Variants in RASGRF1 observed in about 807,000 individuals in gnomAD.
RASGRF1 encodes Ras protein specific guanine nucleotide releasing factor 1, also known as ras-specific guanine nucleotide-releasing factor 1.
RASGRF1 carries 40 observed loss-of-function variants against 138.7 expected under a neutral mutation model. That is an observed-to-expected ratio of 0.29 (90% CI 0.22 to 0.38). The LOEUF is 0.38. Ranked by LOEUF, RASGRF1 falls within the 10% of genes least tolerant of loss-of-function variation. The pLI, the probability that RASGRF1 is intolerant of heterozygous loss-of-function variation, is 1.00. For missense variants in RASGRF1, 1,108 were observed against 1,650.4 expected (o/e 0.67, Z 5.69); for synonymous variants, 614 against 663.2 (o/e 0.93, Z 1.14).
intron 8 of RASGRF1, among the ~76,000 whole-genome samples, chr15:79,030,353 A>T (rs1453739115): frequency 6.6e-6 from 1 of 151,960 alleles, no homozygotes; most frequent in Non-Finnish European, 1.5e-5. Flanking sequence ...GCCCTCCCTC[A>T]TCTCTTGGTC....
intron 2 of RASGRF1, among the ~76,000 whole-genome samples, chr15:79,059,506 GA>G (rs2057568019): frequency 6.6e-6 from 1 of 151,704 alleles, no homozygotes; most frequent in African/African-American, 2.4e-5. Context: ...CTCAGAGTGA[GA>G]AGGGAACTTG....
chr15:78,982,077 C>T lies in RASGRF1; in HGVS notation c.3415-1378G>A, dbSNP rs909900465. ...CCTCTGTCACCTATCCCTGGCATGC[C>T]GACTGGCAAATCACCACTCCTCTTG... is the stretch of plus-strand genomic sequence containing the variant. On this transcript the variant is annotated intron_variant, in intron 23 of 26. Transcript: ENST00000558480. Among the ~76,000 whole-genome samples, 9 of 152,174 alleles carry T rather than the reference C, an allele frequency of 5.9e-5. No individual in the cohort carries two copies. The South Asian group carries it at 8.3e-4, about 14-fold the overall frequency.
At chr15:79,079,918 C>T (rs1178219205) in intron 1 of RASGRF1, among the ~76,000 whole-genome samples, 1 of 152,246 alleles carries the variant, frequency 6.6e-6, no homozygotes, top group Non-Finnish European at 1.5e-5. Flanking sequence ...TGGGACCCCA[C>T]CATTTAAGCC....
At chr15:79,007,545 G>T (rs1228076894) in intron 13 of RASGRF1, among the ~76,000 whole-genome samples, 2 of 108,962 alleles carry the variant, frequency 1.8e-5, no homozygotes, top group South Asian at 3.3e-4. Context: ...GCCGTATCTA[G>T]TTTTTTTTTT....
chr15:79,065,048 C>T (rs8026819), intron 1 of RASGRF1, among the ~76,000 whole-genome samples: 25,580 of 152,182 alleles, frequency 0.17, 2,140 homozygotes, highest in East Asian at 0.2. Context: ...AACCATGGGC[C>T]CTGCCCCTTA....
chr15:79,025,239 T>C (rs2057029991), intron 10 of RASGRF1, 75 bp downstream of exon 10: 4 of 1,471,096 alleles, frequency 2.7e-6, no homozygotes, highest in Admixed American at 2.3e-5. Flanking sequence ...CCTGGGCCCA[T>C]AGACCCTCTG....
chr15:78,973,295 G>T lies in RASGRF1; in HGVS notation c.3612+8C>A. The stretch of plus-strand genomic sequence containing the variant: ...CCCCCTTCCCCTGCCTGGCTGGGGG[G>T]AACGCACCATCCTCATCTTGGAGAA... On this transcript the variant is annotated splice_region_variant and intron_variant, in intron 25 of 26. Transcript: ENST00000558480. The surrounding 1 kb of genome is among the most constrained non-coding windows in gnomAD (Gnocchi z 4.9). The T allele has an allele frequency of 6.3e-7, 1 of 1,593,244 alleles. No homozygotes were observed. Among genetic ancestry groups the T allele is most frequent in the South Asian group, 1.1e-5 (1 of 89,726 alleles).
chr15:78,978,648 G>A (rs960028134), intron 24 of RASGRF1: 2 of 1,010,292 alleles, frequency 2.0e-6, no homozygotes, highest in African/African-American at 3.4e-5. Context: ...CTATGCCCAT[G>A]GACTGCCACC....
chr15:79,006,105 C>T lies in RASGRF1; in HGVS notation c.2075+81G>A, dbSNP rs536190619. ...CTCCTCCAGGGACCTTCCAGGTCAC[C>T]CCCCGGCCCCGTGCAAGCTCAGTTT... On this transcript the variant is annotated intron_variant, in intron 14 of 26. Transcript: ENST00000558480. The surrounding 1 kb of genome is among the most constrained non-coding windows in gnomAD (Gnocchi z 4.0). 3.2e-5 allele frequency: 50 copies of T among 1,578,958 alleles called. No individual in the cohort carries two copies. Among genetic ancestry groups the T allele is most frequent in the Middle Eastern group, 1.8e-4 (1 of 5,652 alleles).
intron 6 of RASGRF1, 119 bp downstream of exon 6, chr15:79,035,012 T>C: frequency 2.7e-6 from 2 of 730,458 alleles, no homozygotes; most frequent in Admixed American, 3.4e-5. Context: ...TGAGGGATTC[T>C]GTGGGTTTTA....
chr15:79,006,031 G>C lies in RASGRF1; in HGVS notation c.2075+155C>G, dbSNP rs978872346. 3 of 1,119,254 alleles carry C rather than the reference G, an allele frequency of 2.7e-6. No homozygotes were observed. The South Asian group carries it at 4.7e-5, about 17-fold the overall frequency. The allele number at this position is 1,119,254 out of a possible 1,614,324, so 69.3% of individuals were successfully genotyped here. Reference sequence around the variant, plus strand: ...GAGGGAGGCTTGGTTCCTGGGGAGAGGGGGCAGTGGCGGTGTGTGTCCCGC... The same window carrying C: ...GAGGGAGGCTTGGTTCCTGGGGAGACGGGGCAGTGGCGGTGTGTGTCCCGC... On this transcript the variant is annotated intron_variant, in intron 14 of 26. Transcript: ENST00000558480. This position sits in a 1 kb window ranked among gnomAD's most constrained non-coding sequence, Gnocchi z 4.0.
In RASGRF1 at chr15:79,031,393, G is replaced by A. The variant is rs2057134460; in HGVS notation, c.1262+7C>T. ...CCGGTCTGGTGCACTGAAGAGCCAG[G>A]CCTCACCTGGACAGCTCCTCCAGTT... On this transcript the variant is annotated splice_region_variant and intron_variant, in intron 8 of 26. Coordinates refer to ENST00000558480, the MANE Select transcript of RASGRF1 (RefSeq NM_001145648.3). 2 of 1,589,948 alleles carry A rather than the reference G, an allele frequency of 1.3e-6. No homozygotes were observed. The highest frequency in any genetic ancestry group is 2.7e-5 in the African/African-American group (2 of 74,358).
rs954057041 is a variant in RASGRF1, at chr15:79,006,767, T to A, written c.1827-333A>T. Among the ~76,000 whole-genome samples, 5 of 152,200 alleles carry A rather than the reference T, an allele frequency of 3.3e-5. No homozygotes were observed. Among genetic ancestry groups the A allele is most frequent in the Admixed American group, 2.0e-4 (3 of 15,278 alleles). On this transcript the variant is annotated intron_variant, in intron 13 of 26. Transcript: ENST00000558480. The surrounding 1 kb of genome is among the most constrained non-coding windows in gnomAD (Gnocchi z 4.0). Reference sequence around the variant, plus strand: ...TGGCTCACGCCTGTAATCCCAGCACTTTGGGAGGCTGAGGTGGGAGGATCA... The same window carrying A: ...TGGCTCACGCCTGTAATCCCAGCACATTGGGAGGCTGAGGTGGGAGGATCA...
intron 1 of RASGRF1, among the ~76,000 whole-genome samples, chr15:79,069,020 A>C (rs2057719285): frequency 6.6e-6 from 1 of 151,540 alleles, no homozygotes; most frequent in South Asian, 2.1e-4. Flanking sequence ...GGGTGTCTGC[A>C]CTCCATCCTT....
At position 79,046,968 on chromosome 15, in the gene RASGRF1, C is replaced by T. The variant is rs781728080; in HGVS notation, c.656G>A (p.Arg219Gln). Residue 219 changes from arginine (R) to glutamine (Q), a missense_variant, in exon 5 of 27, where the codon CGG becomes CAG. This residue lies in a region of RASGRF1 where 253 missense variants were observed against 329.5 expected (regional missense o/e 0.77). Transcript: ENST00000558480. The surrounding 1 kb of genome is among the most constrained non-coding windows in gnomAD (Gnocchi z 5.3). ...VQSFLRGWLC[R>Q]RKWKTIIQDY... ...CTGGATGATGGTCTTCCACTTCCGC[C>T]GGCACAGCCAGCCCCGCAGGAAGCT... The T allele has an allele frequency of 1.2e-5, 19 of 1,613,336 alleles. No individual in the cohort carries two copies. The highest frequency in any genetic ancestry group is 3.3e-5 in the Admixed American group (2 of 59,998).
chr15:79,046,943 C>T lies in RASGRF1; in HGVS notation c.681G>A (p.Gln227=), dbSNP rs1161848982. Reference sequence around the variant, plus strand: ...CAGCATGGGGTGACCGGATGTAGTCCTGGATGATGGTCTTCCACTTCCGCC... The same window carrying T: ...CAGCATGGGGTGACCGGATGTAGTCTTGGATGATGGTCTTCCACTTCCGCC... ...LCRRKWKTII[Q]DYIRSPHADS... The change falls in exon 5 of 27, where the codon CAG becomes CAA. Residue 227 remains glutamine (Q), a synonymous_variant. Transcript: ENST00000558480. This position sits in a 1 kb window ranked among gnomAD's most constrained non-coding sequence, Gnocchi z 5.3. 2.5e-6 allele frequency: 4 copies of T among 1,613,930 alleles called. No individual in the cohort carries two copies. The highest frequency in any genetic ancestry group is 1.3e-5 in the African/African-American group (1 of 74,942).
chr15:79,084,379 G>A (rs1026069001), intron 1 of RASGRF1, among the ~76,000 whole-genome samples: 1 of 152,194 alleles, frequency 6.6e-6, no homozygotes, highest in African/African-American at 2.4e-5. Context: ...GCAAGCAAAG[G>A]CTGACCAGCC....
At chr15:79,055,406 G>C (rs2057497742) in intron 3 of RASGRF1, among the ~76,000 whole-genome samples, 1 of 152,154 alleles carries the variant, frequency 6.6e-6, no homozygotes, top group Non-Finnish European at 1.5e-5. Flanking sequence ...GAGAAACAGA[G>C]AGAGAGAGAG....
Position 79,058,318 on chromosome 15 carries a change from C to G in RASGRF1, c.531+16G>C, listed in dbSNP as rs779399664. On this transcript the variant is annotated intron_variant, in intron 3 of 26. Transcript: ENST00000558480. ...TTGTGCCTAGGGCCTGGGCCCACCC[C>G]CCAGCCCGCAGTCACCTCTGCCTTC... 1.2e-6 allele frequency: 2 copies of G among 1,610,450 alleles called. No homozygotes were observed. Among genetic ancestry groups the G allele is most frequent in the Non-Finnish European group, 1.7e-6 (2 of 1,179,246 alleles).
Sources: gnomAD v4.1 joint callset for allele counts (sites outside exome capture counted in the v4.1 genomes callset) on GRCh38, gnomAD v4.1.1 for gene constraint, gnomAD v4.1.1 regional missense constraint, Gnocchi (gnomAD v3.1) non-coding constraint, MANE v1.5 for transcripts, NCBI Gene and HGNC (gene_info 2026-07-23, HGNC 2026-07-21) for gene names.